The following CCBE1 variants were observed in gnomAD, a reference collection of about 807,000 sequenced individuals.
CCBE1 encodes collagen and calcium-binding EGF domain-containing protein 1.
In CCBE1, 37 loss-of-function variants were observed where a neutral mutation model predicts 50.0. That is an observed-to-expected ratio of 0.74 (90% confidence interval 0.57 to 0.97). The LOEUF (loss-of-function observed/expected upper bound fraction) is 0.97. CCBE1 is among the 50% of genes least tolerant of loss of function. CCBE1 has a pLI of 0.00. For synonymous variants in CCBE1, 234 were observed against 203.7 expected, an observed-to-expected ratio of 1.15 and a Z score of -1.27; for missense variants, 538 against 523.8, an observed-to-expected ratio of 1.03 and a Z score of -0.26.
At chr18:59,535,164 T>C (rs1187311574) in intron 2 of CCBE1, among the ~76,000 whole-genome samples, 3 of 152,080 alleles carry the variant, frequency 2.0e-5, no homozygotes, top group Admixed American at 6.5e-5. Context: ...AGTAATGAGA[T>C]TGACAGCATC....
intron 2 of CCBE1, among the ~76,000 whole-genome samples, chr18:59,667,949 A>C (rs1323223388): frequency 6.6e-6 from 1 of 152,078 alleles, no homozygotes; most frequent in Admixed American, 6.6e-5. Flanking sequence ...ACACAGGGAG[A>C]GGAACATCAC....
rs1235972052 is a variant in CCBE1, at chr18:59,569,468, A to T, written c.213-89230T>A. Among the ~76,000 whole-genome samples the T allele has an allele frequency of 5.3e-5, 8 of 152,224 alleles. No homozygotes were observed. In the South Asian group the frequency reaches 8.3e-4, roughly 16 times the overall value. ...TTTTTGCACTAGCACTGCAAGCCAG[A>T]TACAAACTCCCAATTTACAGATAAG... On this transcript the variant is annotated intron_variant, in intron 2 of 10. Coordinates refer to ENST00000439986, the MANE Select transcript of CCBE1 (RefSeq NM_133459.4).
chr18:59,564,157 C>T (rs1480267032), intron 2 of CCBE1: 1 of 152,206 alleles, frequency 6.6e-6, no homozygotes, highest in Non-Finnish European at 1.5e-5. Flanking sequence ...TTCCTCTTAA[C>T]TCTAAAACTT....
chr18:59,482,217 C>T (rs911398273), intron 2 of CCBE1, among the ~76,000 whole-genome samples: 1 of 152,222 alleles, frequency 6.6e-6, no homozygotes, highest in African/African-American at 2.4e-5. Context: ...AGGACGTGAA[C>T]TCATTCTTTT....
chr18:59,456,941 G>A (rs573842718), intron 5 of CCBE1, among the ~76,000 whole-genome samples: 5 of 152,252 alleles, frequency 3.3e-5, no homozygotes, highest in African/African-American at 1.2e-4. Context: ...CCTGGGGTTG[G>A]CAGCACCCGA....
chr18:59,480,805 T>C (rs779838999), intron 2 of CCBE1, among the ~76,000 whole-genome samples: 2 of 152,074 alleles, frequency 1.3e-5, no homozygotes, highest in Non-Finnish European at 2.9e-5. Context: ...GGTACCTAAA[T>C]GATCTGAATT....
At chr18:59,646,448 A>G (rs1319473836) in intron 2 of CCBE1, among the ~76,000 whole-genome samples, 1 of 152,174 alleles carries the variant, frequency 6.6e-6, no homozygotes, top group Admixed American at 6.5e-5. Flanking sequence ...AACGCCATCT[A>G]GAGGAGCCAT....
intron 2 of CCBE1, among the ~76,000 whole-genome samples, chr18:59,571,172 G>T (rs1370376914): frequency 6.6e-6 from 1 of 152,126 alleles, no homozygotes; most frequent in Non-Finnish European, 1.5e-5. Context: ...CATCAGGAAA[G>T]GTTGAAGCAT....
chr18:59,466,212 G>A (rs1028859038), intron 5 of CCBE1, among the ~76,000 whole-genome samples: 11 of 152,044 alleles, frequency 7.2e-5, no homozygotes, highest in African/African-American at 1.9e-4. Context: ...TAATCCCCAT[G>A]TGTCATGGGA....
intron 2 of CCBE1, among the ~76,000 whole-genome samples, chr18:59,588,425 T>C (rs1599038732): frequency 6.6e-6 from 1 of 152,082 alleles, no homozygotes; most frequent in East Asian, 1.9e-4. Context: ...AAGAGGTAAA[T>C]ATTTCCAGCA....
intron 2 of CCBE1, among the ~76,000 whole-genome samples, chr18:59,612,933 C>A (rs1465977243): frequency 6.7e-6 from 1 of 149,752 alleles, no homozygotes; most frequent in Non-Finnish European, 1.5e-5. Context: ...CTTGGGAAGG[C>A]AAGACTCACA....
At chr18:59,623,917 C>T (rs527907683) in intron 2 of CCBE1, among the ~76,000 whole-genome samples, 1 of 152,294 alleles carries the variant, frequency 6.6e-6, no homozygotes, top group East Asian at 1.9e-4. Context: ...TGGGCCAAGG[C>T]TGTCAAAATG....
At chr18:59,632,313 CTG>C (rs1383041914) in intron 2 of CCBE1, among the ~76,000 whole-genome samples, 18 of 152,266 alleles carry the variant, frequency 1.2e-4, no homozygotes, top group Admixed American at 9.2e-4. Flanking sequence ...TTTTTTGAGA[CTG>C]AGTCTTGCTC....
intron 2 of CCBE1, among the ~76,000 whole-genome samples, chr18:59,521,383 G>T (rs975916703): frequency 2.0e-5 from 3 of 152,144 alleles, no homozygotes; most frequent in African/African-American, 7.2e-5. Flanking sequence ...TGAGTTACGT[G>T]GATTGCAGGT....
At chr18:59,437,580 A>C (rs1226986952) in intron 10 of CCBE1, among the ~76,000 whole-genome samples, 1 of 152,220 alleles carries the variant, frequency 6.6e-6, no homozygotes, top group Non-Finnish European at 1.5e-5. Context: ...ACGTGGTTTG[A>C]ATTTTCTATG....
chr18:59,591,060 C>T (rs1599041513), intron 2 of CCBE1, among the ~76,000 whole-genome samples: 1 of 42,556 alleles, frequency 2.3e-5, no homozygotes, highest in African/African-American at 2.3e-4. Context: ...CTGGCTAACA[C>T]GGTGAAACCC....
Position 59,552,228 on chromosome 18 carries a change from G to A in CCBE1, c.213-71990C>T, listed in dbSNP as rs189654418. Among the ~76,000 whole-genome samples the A allele has an allele frequency of 2.5e-4, 38 of 152,236 alleles. No homozygotes were observed. In the East Asian group the frequency reaches 6.9e-3, roughly 28 times the overall value. On this transcript the variant is annotated intron_variant, in intron 2 of 10. Coordinates refer to ENST00000439986, the MANE Select transcript of CCBE1 (RefSeq NM_133459.4). ...TGGACCTCACACAACATCGCTTCGG[G>A]CACATTCTACCAGTCAATGAAAGCC...
intron 2 of CCBE1, among the ~76,000 whole-genome samples, chr18:59,642,635 T>C (rs2054004187): frequency 6.6e-6 from 1 of 152,178 alleles, no homozygotes; most frequent in Admixed American, 6.5e-5. Flanking sequence ...AATAGTCAAC[T>C]GCATCAAAGG....
At chr18:59,466,948 A>G in intron 4 of CCBE1, 57 bp from the exon 5 acceptor site, 1 of 1,463,794 alleles carries the variant, frequency 6.8e-7, no homozygotes, top group Non-Finnish European at 9.5e-7. Context: ...TTCTAATACA[A>G]CAGATGACAT....
Sources: gnomAD v4.1 joint callset for allele counts (sites outside exome capture counted in the v4.1 genomes callset) on GRCh38, gnomAD v4.1.1 for gene constraint, MANE v1.5 for transcripts, NCBI Gene and HGNC (gene_info 2026-07-23, HGNC 2026-07-21) for gene names.